Variants in PDE7B observed in about 807,000 individuals in gnomAD.
The protein encoded by PDE7B is 3',5'-cyclic-AMP phosphodiesterase 7B.
Under a neutral mutation model 56.2 loss-of-function variants are expected in PDE7B, and 29 were observed. That is an observed-to-expected ratio of 0.52 (90% CI 0.38 to 0.70). The LOEUF is 0.70. PDE7B is among the 30% of genes least tolerant of loss of function. The pLI is 0.00. For missense variants in PDE7B, 490 were observed against 565.0 expected (o/e 0.87, Z 1.35); for synonymous variants, 197 against 196.9 (o/e 1.00, Z 0.00).
chr6:136,038,190 G>GCAGCAGCAGCAGCAGAAGCAGAAA (rs1202989848), intron 2 of PDE7B: 2 of 1,297,702 alleles, frequency 1.5e-6, no homozygotes, highest in African/African-American at 1.5e-5. Flanking sequence ...TGTGGTAGCA[G>GCAGCAGCAGCAGCAGAAGCAGAAA]CAGCAGCAGC....
At chr6:136,056,630 C>T (rs918313783) in intron 2 of PDE7B, among the ~76,000 whole-genome samples, 2 of 134,398 alleles carry the variant, frequency 1.5e-5, no homozygotes, top group African/African-American at 5.5e-5. Flanking sequence ...CTCCTGGGTT[C>T]AATCGATTCT....
At chr6:135,945,702 T>C (rs1198454635) in intron 1 of PDE7B, among the ~76,000 whole-genome samples, 1 of 152,142 alleles carries the variant, frequency 6.6e-6, no homozygotes, top group Admixed American at 6.6e-5. Context: ...ATTAACCAAG[T>C]TGTGAACTGT....
At chr6:135,935,444 A>G (rs1309879610) in intron 1 of PDE7B, among the ~76,000 whole-genome samples, 1 of 151,504 alleles carries the variant, frequency 6.6e-6, no homozygotes, top group African/African-American at 2.4e-5. Context: ...TCTTCTCTTT[A>G]AGGATTTTCA....
intron 8 of PDE7B, among the ~76,000 whole-genome samples, chr6:136,157,410 T>C (rs4896204): frequency 0.39 from 59,180 of 151,936 alleles, 11,624 homozygotes; most frequent in South Asian, 0.44. Flanking sequence ...AAACCCCGTC[T>C]CTACTAAAAA....
chr6:135,857,052 C>CCCTCCCTCCCTCCCTT, intron 1 of PDE7B, among the ~76,000 whole-genome samples: 1 of 136,684 alleles, frequency 7.3e-6, no homozygotes, highest in Admixed American at 7.2e-5. Context: ...CTCCCTCCCT[C>CCCTCCCTCCCTCCCTT]CCTTCCTTCC....
At chr6:135,978,852 G>C (rs1054193176) in intron 2 of PDE7B, among the ~76,000 whole-genome samples, 1 of 151,368 alleles carries the variant, frequency 6.6e-6, no homozygotes, top group Non-Finnish European at 1.5e-5. Context: ...CTCTTTTCCT[G>C]ATTGAATACC....
At chr6:136,148,878 C>T (rs375488067) in intron 4 of PDE7B, among the ~76,000 whole-genome samples, 2 of 152,188 alleles carry the variant, frequency 1.3e-5, no homozygotes, top group East Asian at 3.8e-4. Context: ...AATATCCCTT[C>T]ATTTTTCTGA....
chr6:136,020,823 TC>T (rs1776058744), intron 2 of PDE7B, among the ~76,000 whole-genome samples: 1 of 152,224 alleles, frequency 6.6e-6, no homozygotes, highest in Non-Finnish European at 1.5e-5. Context: ...AAGTACTTGT[TC>T]TATAACATAG....
At position 136,005,199 on chromosome 6, in the gene PDE7B, T is replaced by C. The variant is rs376757941; in HGVS notation, c.82+57675T>C. On this transcript the variant is annotated intron_variant, in intron 2 of 12. Coordinates refer to ENST00000308191, the MANE Select transcript of PDE7B (RefSeq NM_018945.4). ...CCTTCCTTACACCTTATACAAAAAT[T>C]AATTCAAAATGGATTAAAGACTTAA... 2.8e-3 allele frequency among the ~76,000 whole-genome samples: 432 copies of C among 152,216 alleles called. 2 individuals are homozygous for C. The highest frequency in any genetic ancestry group is 9.7e-3 in the African/African-American group (404 of 41,504).
At chr6:136,133,461 A>C (rs371674839) in intron 3 of PDE7B, among the ~76,000 whole-genome samples, 2 of 152,156 alleles carry the variant, frequency 1.3e-5, no homozygotes, top group East Asian at 3.9e-4. Flanking sequence ...ACAGGGGATC[A>C]TCCCTGTTAT....
chr6:135,972,259 A>C lies in PDE7B; in HGVS notation c.82+24735A>C, dbSNP rs957299477. 2.8e-3 allele frequency among the ~76,000 whole-genome samples: 410 copies of C among 146,404 alleles called. 4 individuals are homozygous for C. Among genetic ancestry groups the C allele is most frequent in the African/African-American group, 0.01 (378 of 37,706 alleles). On this transcript the variant is annotated intron_variant, in intron 2 of 12. Transcript: ENST00000308191. Reference sequence around the variant, plus strand: ...AAAAAAAAAAAAAAAAAAAAAAAAAAAACCCAAAAAACAGGGATGTGTCTG... The same window carrying C: ...AAAAAAAAAAAAAAAAAAAAAAAAACAACCCAAAAAACAGGGATGTGTCTG...
intron 2 of PDE7B, among the ~76,000 whole-genome samples, chr6:136,008,283 G>T (rs188267423): frequency 7.2e-5 from 11 of 151,952 alleles, no homozygotes; most frequent in African/African-American, 1.5e-4. Context: ...GAATAGTGCC[G>T]CAATAAACAT....
intron 1 of PDE7B, among the ~76,000 whole-genome samples, chr6:135,919,402 GAA>G (rs1352438270): frequency 1.3e-5 from 2 of 152,112 alleles, no homozygotes; most frequent in Admixed American, 6.5e-5. Context: ...TAAGAAAAAA[GAA>G]ATATCTAAGA....
chr6:136,058,823 G>T (rs1033652574), intron 2 of PDE7B, among the ~76,000 whole-genome samples: 3 of 152,104 alleles, frequency 2.0e-5, no homozygotes, highest in Non-Finnish European at 4.4e-5. Context: ...ATGACTACTA[G>T]AACCAAAGTC....
At chr6:135,937,533 C>G (rs956736116) in intron 1 of PDE7B, among the ~76,000 whole-genome samples, 1 of 152,188 alleles carries the variant, frequency 6.6e-6, no homozygotes, top group Non-Finnish European at 1.5e-5. Flanking sequence ...TATCTTGCAC[C>G]TCCAACCTTC....
At chr6:136,010,122 C>T (rs561223938) in intron 2 of PDE7B, among the ~76,000 whole-genome samples, 1 of 152,172 alleles carries the variant, frequency 6.6e-6, no homozygotes. Flanking sequence ...CATGTCATAT[C>T]TTTGTTCTCA....
intron 2 of PDE7B, among the ~76,000 whole-genome samples, chr6:135,982,671 G>A (rs908487199): frequency 1.3e-5 from 2 of 152,142 alleles, no homozygotes; most frequent in East Asian, 1.9e-4. Flanking sequence ...TTGTTAATAA[G>A]CCCCCAGTTG....
chr6:136,155,792 T>C, intron 8 of PDE7B, 34 bp downstream of exon 8: 1 of 1,610,708 alleles, frequency 6.2e-7, no homozygotes, highest in Non-Finnish European at 8.5e-7. Flanking sequence ...AGCCACAGTA[T>C]GGTCAATCGC....
At chr6:136,108,275 C>T (rs898288476) in intron 2 of PDE7B, among the ~76,000 whole-genome samples, 32 of 152,064 alleles carry the variant, frequency 2.1e-4, no homozygotes, top group African/African-American at 6.5e-4. Context: ...TTCTAAAGCA[C>T]ATTAATGATA....
Sources: allele counts gnomAD v4.1 joint callset (sites outside exome capture counted in the v4.1 genomes callset), GRCh38; gene constraint gnomAD v4.1.1; transcripts MANE v1.5; gene names NCBI Gene and HGNC (gene_info 2026-07-23, HGNC 2026-07-21).